Variants in PIK3CG observed in about 807,000 individuals in gnomAD.
PIK3CG encodes the protein phosphatidylinositol-4,5-bisphosphate 3-kinase catalytic subunit gamma.
In PIK3CG, 55 loss-of-function variants were observed where a neutral mutation model predicts 102.3. The ratio of observed to expected loss-of-function variants is 0.54; its 90% CI spans 0.43 to 0.67. PIK3CG has a LOEUF of 0.67. Among genes scored for constraint, PIK3CG ranks in the 30% least tolerant of loss-of-function variants. The probability of loss-of-function intolerance (pLI) is 0.00; values close to 1 mark genes in which losing one functional copy is unlikely to be tolerated. For missense variants in PIK3CG, 1,258 were observed against 1,391.8 expected (o/e 0.90, Z 1.53); for synonymous variants, 552 against 540.0 (o/e 1.02, Z -0.31).
Position 106,880,680 on chromosome 7 carries a change from T to G in PIK3CG, c.2538+1015T>G, listed in dbSNP as rs1286512133. Among the ~76,000 whole-genome samples the G allele has an allele frequency of 6.6e-6, 1 of 152,014 alleles. No homozygotes were observed. Among genetic ancestry groups the G allele is most frequent in the Non-Finnish European group, 1.5e-5 (1 of 68,008 alleles). On this transcript the variant is annotated intron_variant, in intron 6 of 10. Coordinates refer to ENST00000496166, the MANE Select transcript of PIK3CG (RefSeq NM_001282426.2). The surrounding 1 kb of genome is among the most constrained non-coding windows in gnomAD (Gnocchi z 4.2). ...CCCTTTATGTACTTTGTGGTTTTGTTTTTTTTTAATTTTTTTAAGATGAGG... is the reference window on the plus strand; with the variant it reads ...CCCTTTATGTACTTTGTGGTTTTGTGTTTTTTTAATTTTTTTAAGATGAGG...
chr7:106,871,127 TGAA>T (rs1790517578), intron 2 of PIK3CG, among the ~76,000 whole-genome samples: 1 of 152,362 alleles, frequency 6.6e-6, no homozygotes, highest in African/African-American at 2.4e-5. Flanking sequence ...GTCTTAAATC[TGAA>T]GAAGAATAGT....
In PIK3CG at chr7:106,906,901, C is replaced by T. The variant is rs1211969260; in HGVS notation, c.*1514C>T. The T allele has an allele frequency of 4.6e-6, 1 of 215,260 alleles. No individual in the cohort carries two copies. The highest frequency in any genetic ancestry group is 9.0e-6 in the Non-Finnish European group (1 of 110,798). The allele number at this position is 215,260 out of a possible 1,614,324, so 13.3% of individuals were successfully genotyped here. ...AAGCCTGGCTGCAAAGAAGAATCAA[C>T]AGGGACACTTTTTAAAAACACTCTT... is the stretch of plus-strand genomic sequence containing the variant. On this transcript the variant is annotated 3_prime_UTR_variant, in exon 11 of 11. Coordinates refer to ENST00000496166, the MANE Select transcript of PIK3CG (RefSeq NM_001282426.2).
rs1454811645 is a variant in PIK3CG, at chr7:106,903,832, C to G, written c.3031-1277C>G. 1.3e-5 allele frequency among the ~76,000 whole-genome samples: 2 copies of G among 151,970 alleles called. No individual in the cohort carries two copies. The highest frequency in any genetic ancestry group is 2.9e-5 in the Non-Finnish European group (2 of 67,992). ...GGAGTGCAGTGGAGTGATCTCAGCTCACTGCAACCTCTACCTCCCAGGTTC... is the reference window on the plus strand; with the variant it reads ...GGAGTGCAGTGGAGTGATCTCAGCTGACTGCAACCTCTACCTCCCAGGTTC... On this transcript the variant is annotated intron_variant, in intron 10 of 10. Coordinates refer to ENST00000496166, the MANE Select transcript of PIK3CG (RefSeq NM_001282426.2). This position sits in a 1 kb window ranked among gnomAD's most constrained non-coding sequence, Gnocchi z 4.3.
rs555398335 is a variant in PIK3CG at position 106,901,333 on chromosome 7, CAGCTT to C, written c.3031-3775_3031-3771del. Among the ~76,000 whole-genome samples, 177 of 151,492 alleles carry C rather than the reference CAGCTT, an allele frequency of 1.2e-3. 1 individual carries two copies. The highest frequency in any genetic ancestry group is 1.6e-3 in the Non-Finnish European group (107 of 67,896). ...TCTTCAAGTTCTGAGATTCTTTTCTCAGCTTGGCTTATTCTGCTATTAATACTTGT... is the reference window on the plus strand; with the variant it reads ...TCTTCAAGTTCTGAGATTCTTTTCTCGGCTTATTCTGCTATTAATACTTGT... On this transcript the variant is annotated intron_variant, in intron 10 of 10. Transcript: ENST00000496166.
intron 10 of PIK3CG, among the ~76,000 whole-genome samples, chr7:106,896,330 G>T (rs1337023052): frequency 6.6e-6 from 1 of 152,136 alleles, no homozygotes; most frequent in African/African-American, 2.4e-5. Context: ...CACACAGTGG[G>T]CTCACACAGC....
chr7:106,898,127 T>G (rs562928552), intron 10 of PIK3CG, among the ~76,000 whole-genome samples: 2 of 152,352 alleles, frequency 1.3e-5, no homozygotes, highest in East Asian at 3.9e-4. Context: ...ATTTCTCTAA[T>G]GATCAATGAT....
At position 106,879,501 on chromosome 7, in the gene PIK3CG, G is replaced by A. The variant is rs1351743891; in HGVS notation, c.2392-18G>A. The A allele has an allele frequency of 5.6e-6, 9 of 1,608,166 alleles. No homozygotes were observed. The highest frequency in any genetic ancestry group is 8.5e-7 in the Non-Finnish European group (1 of 1,174,812). On this transcript the variant is annotated intron_variant, in intron 5 of 10. Coordinates refer to ENST00000496166, the MANE Select transcript of PIK3CG (RefSeq NM_001282426.2). The surrounding 1 kb of genome is among the most constrained non-coding windows in gnomAD (Gnocchi z 4.9). The stretch of plus-strand genomic sequence containing the variant: ...GTTATTCATTGTGTGTGGGGAATAT[G>A]TGACTGCTTCCTTACAGATTGAAAA...
rs1790995521 is a variant in PIK3CG at position 106,883,222 on chromosome 7, G to C, written c.2760+59G>C. The C allele has an allele frequency of 1.9e-6, 3 of 1,569,830 alleles. No homozygotes were observed. The highest frequency in any genetic ancestry group is 2.6e-6 in the Non-Finnish European group (3 of 1,144,526). On this transcript the variant is annotated intron_variant, in intron 8 of 10. Coordinates refer to ENST00000496166, the MANE Select transcript of PIK3CG (RefSeq NM_001282426.2). The surrounding 1 kb of genome is among the most constrained non-coding windows in gnomAD (Gnocchi z 5.8). ...CTTACAAGTTGTCATTTATATAGCA[G>C]TAGTGGCTTCAAGTTTTCAGAGAAT...
chr7:106,868,613 C>A lies in PIK3CG; in HGVS notation c.1052C>A (p.Thr351Asn), dbSNP rs1790410410. ...IHGKDHESVF[T>N]VSLWDCDRKF... is the part of the protein sequence containing the mutation. Reference sequence around the variant, plus strand: ...GGCAAGGACCACGAGAGTGTGTTCACCGTGTCCCTGTGGGACTGCGACCGC... The same window carrying A: ...GGCAAGGACCACGAGAGTGTGTTCAACGTGTCCCTGTGGGACTGCGACCGC... Residue 351 changes from threonine to asparagine, a missense_variant, in exon 2 of 11, where the codon ACC (threonine) becomes AAC (asparagine). Coordinates refer to ENST00000496166, the MANE Select transcript of PIK3CG (RefSeq NM_001282426.2). The surrounding 1 kb of genome is among the most constrained non-coding windows in gnomAD (Gnocchi z 6.2). 6.2e-6 allele frequency: 10 copies of A among 1,614,192 alleles called. No individual in the cohort carries two copies. Among genetic ancestry groups the A allele is most frequent in the Non-Finnish European group, 8.5e-6 (10 of 1,180,042 alleles).
At position 106,869,221 on chromosome 7, in the gene PIK3CG, C is replaced by T. The variant is rs1257863960; in HGVS notation, c.1660C>T (p.Gln554Ter). The T allele has an allele frequency of 1.9e-6, 3 of 1,614,106 alleles. No individual in the cohort carries two copies. Among genetic ancestry groups the T allele is most frequent in the Non-Finnish European group, 2.5e-6 (3 of 1,180,048 alleles). Residue 554 changes from glutamine to a stop codon, truncating the protein, a stop_gained, in exon 2 of 11, where the codon CAA (glutamine) becomes TAA (stop). Transcript: ENST00000496166. LOFTEE classifies it high-confidence loss of function. This position sits in a 1 kb window ranked among gnomAD's most constrained non-coding sequence, Gnocchi z 5.3. ...RAEMPNQLRK[Q>*]LEAIIATDPL... is the part of the protein sequence containing the mutation. The stretch of plus-strand genomic sequence containing the variant: ...AGAAATGCCCAACCAGCTTCGCAAG[C>T]AATTGGAGGCGATCATAGCCACTGA...
chr7:106,893,980 G>T lies in PIK3CG; in HGVS notation c.3030+7688G>T, dbSNP rs189082897. Among the ~76,000 whole-genome samples the T allele has an allele frequency of 6.6e-6, 1 of 152,082 alleles. No homozygotes were observed. The highest frequency in any genetic ancestry group is 1.9e-4 in the East Asian group (1 of 5,196). On this transcript the variant is annotated intron_variant, in intron 10 of 10. Transcript: ENST00000496166. The surrounding 1 kb of genome is among the most constrained non-coding windows in gnomAD (Gnocchi z 4.4). ...CTTGTGTATCTAAACACATCTGAACGGAAAAGGAACAGTAAAAATATGGAA... is the reference window on the plus strand; with the variant it reads ...CTTGTGTATCTAAACACATCTGAACTGAAAAGGAACAGTAAAAATATGGAA...
Position 106,874,916 on chromosome 7 carries a change from A to G in PIK3CG, c.2391+113A>G. 1 of 653,888 alleles carries G rather than the reference A, an allele frequency of 1.5e-6. No homozygotes were observed. 40.5% of individuals were successfully genotyped at this position (653,888 alleles called of 1,614,324 possible). On this transcript the variant is annotated intron_variant, in intron 5 of 10. Coordinates refer to ENST00000496166, the MANE Select transcript of PIK3CG (RefSeq NM_001282426.2). The surrounding 1 kb of genome is among the most constrained non-coding windows in gnomAD (Gnocchi z 4.3). The stretch of plus-strand genomic sequence containing the variant: ...GTTTATGCAGAGACAGGGAAGCTGG[A>G]GAGTCTCTGGATGGGTTTCTCATAA...
chr7:106,875,825 A>G (rs1350892567), intron 5 of PIK3CG, among the ~76,000 whole-genome samples: 2 of 151,956 alleles, frequency 1.3e-5, no homozygotes, highest in Non-Finnish European at 2.9e-5. Flanking sequence ...AAGTGGTTAT[A>G]CCATTTAAAT....
At chr7:106,875,686 C>G (rs1055181253) in intron 5 of PIK3CG, among the ~76,000 whole-genome samples, 2 of 152,082 alleles carry the variant, frequency 1.3e-5, no homozygotes, top group African/African-American at 4.8e-5. Context: ...CTTTTTATGA[C>G]TTAGTAGTAG....
Position 106,903,739 on chromosome 7 carries a change from TTTTA to T in PIK3CG, c.3031-1366_3031-1363del, listed in dbSNP as rs1791617574. ...AATAAGTTTTCCTTCACTTTTCTGA[TTTTA>T]TTTTTTTTATTTATTTATTTATTTA... On this transcript the variant is annotated intron_variant, in intron 10 of 10. Transcript: ENST00000496166. The surrounding 1 kb of genome is among the most constrained non-coding windows in gnomAD (Gnocchi z 4.3). Among the ~76,000 whole-genome samples, 1 of 79,598 alleles carries T rather than the reference TTTTA, an allele frequency of 1.3e-5. No individual in the cohort carries two copies. Among genetic ancestry groups the T allele is most frequent in the Non-Finnish European group, 2.5e-5 (1 of 40,222 alleles). 52.2% of individuals were successfully genotyped at this position (79,598 alleles called of 152,430 possible).
At position 106,903,256 on chromosome 7, in the gene PIK3CG, A is replaced by G. The variant is rs2116612439; in HGVS notation, c.3031-1853A>G. Among the ~76,000 whole-genome samples, 1 of 152,288 alleles carries G rather than the reference A, an allele frequency of 6.6e-6. No homozygotes were observed. Among genetic ancestry groups the G allele is most frequent in the Admixed American group, 6.5e-5 (1 of 15,290 alleles). On this transcript the variant is annotated intron_variant, in intron 10 of 10. Coordinates refer to ENST00000496166, the MANE Select transcript of PIK3CG (RefSeq NM_001282426.2). This position sits in a 1 kb window ranked among gnomAD's most constrained non-coding sequence, Gnocchi z 4.3. ...TTGGCAAGTACTACTTTTCATTATT[A>G]TACTTTTTCAAAATGTTCTCTCAGG...
chr7:106,881,362 T>C (rs1790926883), intron 6 of PIK3CG, among the ~76,000 whole-genome samples: 2 of 152,230 alleles, frequency 1.3e-5, no homozygotes, highest in Admixed American at 6.5e-5. Flanking sequence ...TATAGGGCAA[T>C]GCAAGGATCA....
At position 106,895,016 on chromosome 7, in the gene PIK3CG, T is replaced by A. The variant is rs1288046391; in HGVS notation, c.3030+8724T>A. Reference sequence around the variant, plus strand: ...TACTAGATGCTATAATTAAGGCATTTGAATCAACAATGAAATTGAGAGCAG... The same window carrying A: ...TACTAGATGCTATAATTAAGGCATTAGAATCAACAATGAAATTGAGAGCAG... On this transcript the variant is annotated intron_variant, in intron 10 of 10. Transcript: ENST00000496166. This position sits in a 1 kb window ranked among gnomAD's most constrained non-coding sequence, Gnocchi z 5.4. Among the ~76,000 whole-genome samples, 1 of 152,224 alleles carries A rather than the reference T, an allele frequency of 6.6e-6. No individual in the cohort carries two copies. Among genetic ancestry groups the A allele is most frequent in the Admixed American group, 6.5e-5 (1 of 15,288 alleles).
rs539020752 is a variant in PIK3CG, at chr7:106,906,956, T to A, written c.*1569T>A. ...GCCTGGGCAACACAGTGAGACTCCA[T>A]CTCTTAAAAAAAAAATTAGCTGGGT... On this transcript the variant is annotated 3_prime_UTR_variant, in exon 11 of 11. Coordinates refer to ENST00000496166, the MANE Select transcript of PIK3CG (RefSeq NM_001282426.2). The A allele has an allele frequency of 4.6e-6, 1 of 216,086 alleles. No individual in the cohort carries two copies. The highest frequency in any genetic ancestry group is 9.2e-6 in the Non-Finnish European group (1 of 108,468). 13.4% of individuals were successfully genotyped at this position (216,086 alleles called of 1,614,324 possible).
Sources: gnomAD v4.1 joint callset for allele counts (sites outside exome capture counted in the v4.1 genomes callset) on GRCh38, gnomAD v4.1.1 for gene constraint, Gnocchi (gnomAD v3.1) non-coding constraint, MANE v1.5 for transcripts, NCBI Gene and HGNC (gene_info 2026-07-23, HGNC 2026-07-21) for gene names.